ASIP: variants seen among roughly 807,000 people sequenced by gnomAD.
ASIP encodes agouti signaling protein.
Under a neutral mutation model 10.3 loss-of-function variants are expected in ASIP, and 11 were observed. The ratio of observed to expected loss-of-function variants is 1.07; its 90% CI spans 0.68 to 1.78. The LOEUF (loss-of-function observed/expected upper bound fraction) is 1.78. Ranked by LOEUF, ASIP falls within the 40% of genes most tolerant of loss-of-function variation. The probability of loss-of-function intolerance (pLI) is 0.00; values close to 1 mark genes in which losing one functional copy is unlikely to be tolerated. For missense variants in ASIP, 180 were observed against 169.2 expected (o/e 1.06, Z -0.35); for synonymous variants, 70 against 70.8 (o/e 0.99, Z 0.06).
intron 1 of ASIP, chr20:34,246,485 C>G: frequency 7.2e-7 from 1 of 1,387,616 alleles, no homozygotes; most frequent in South Asian, 1.2e-5. Flanking sequence ...TAACTTGGCA[C>G]TGTTCCTTGG....
intron 1 of ASIP, among the ~76,000 whole-genome samples, chr20:34,257,681 A>G (rs567038929): frequency 6.6e-6 from 1 of 152,338 alleles, no homozygotes; most frequent in East Asian, 1.9e-4. Context: ...TATGATAACT[A>G]TTCATGATGT....
intron 1 of ASIP, among the ~76,000 whole-genome samples, chr20:34,227,972 A>G (rs1417090759): frequency 6.6e-6 from 1 of 152,204 alleles, no homozygotes; most frequent in African/African-American, 2.4e-5. Flanking sequence ...TGGTCAAGTG[A>G]TTTCCCACAA....
chr20:34,192,287 T>A (rs902812986), upstream of ASIP, among the ~76,000 whole-genome samples: 1 of 152,152 alleles, frequency 6.6e-6, no homozygotes, highest in Non-Finnish European at 1.5e-5. Context: ...CACCTTGGCC[T>A]CCCAAAGTGC....
At chr20:34,233,968 A>G (rs144041392) in intron 1 of ASIP, among the ~76,000 whole-genome samples, 1 of 152,350 alleles carries the variant, frequency 6.6e-6, no homozygotes, top group African/African-American at 2.4e-5. Context: ...TCACCATGAG[A>G]CAAATAGGCT....
chr20:34,190,001 G>C (rs1397104202), upstream of ASIP, among the ~76,000 whole-genome samples: 1 of 152,218 alleles, frequency 6.6e-6, no homozygotes, highest in African/African-American at 2.4e-5. Context: ...TCCCGCTGCA[G>C]AGCTTTTGTC....
intron 1 of ASIP, among the ~76,000 whole-genome samples, chr20:34,251,209 A>G (rs1279428389): frequency 6.6e-6 from 1 of 152,000 alleles, no homozygotes; most frequent in Non-Finnish European, 1.5e-5. Context: ...ACACTTATGC[A>G]TTTGTAAATT....
chr20:34,219,223 GA>G (rs2035029512), intron 1 of ASIP, among the ~76,000 whole-genome samples: 2 of 152,324 alleles, frequency 1.3e-5, no homozygotes, highest in South Asian at 4.1e-4. Flanking sequence ...TATATGGAAA[GA>G]GGTGATCCAA....
At chr20:34,192,084 C>G (rs1488642576), upstream of ASIP, among the ~76,000 whole-genome samples, 1 of 151,334 alleles carries the variant, frequency 6.6e-6, no homozygotes, top group Non-Finnish European at 1.5e-5. Flanking sequence ...TCTTGTTGCC[C>G]ATGGTGCAAT....
chr20:34,219,306 T>G (rs1386959635), intron 1 of ASIP, among the ~76,000 whole-genome samples: 1 of 152,206 alleles, frequency 6.6e-6, no homozygotes, highest in Non-Finnish European at 1.5e-5. Flanking sequence ...ATGTGCCAAG[T>G]GTGGTGCTTA....
intron 1 of ASIP, among the ~76,000 whole-genome samples, chr20:34,258,441 A>G (rs2122652164): frequency 6.6e-6 from 1 of 150,656 alleles, no homozygotes. Flanking sequence ...AGGGCAAATA[A>G]GTACTGTAGT....
intron 1 of ASIP, among the ~76,000 whole-genome samples, chr20:34,249,538 A>G (rs2035439406): frequency 6.6e-6 from 1 of 152,224 alleles, no homozygotes. Context: ...CTTCATGAGC[A>G]TGCAGCTTGT....
intron 1 of ASIP, among the ~76,000 whole-genome samples, chr20:34,223,482 G>T (rs1470950631): frequency 1.4e-5 from 2 of 139,566 alleles, no homozygotes; most frequent in African/African-American, 5.5e-5. Context: ...CAGCCACCCC[G>T]TCCGGGAGGG....
intron 1 of ASIP, among the ~76,000 whole-genome samples, chr20:34,205,158 G>A (rs976242092): frequency 2.0e-5 from 3 of 152,208 alleles, no homozygotes; most frequent in East Asian, 3.8e-4. Context: ...TGGTGTGTCC[G>A]GAGTTTGTTC....
intron 3 of ASIP, among the ~76,000 whole-genome samples, chr20:34,266,214 T>C (rs934547836): frequency 6.7e-6 from 1 of 150,220 alleles, no homozygotes; most frequent in Non-Finnish European, 1.5e-5. Flanking sequence ...TAGCCGGAGG[T>C]GGTGGCGGGC....
intron 1 of ASIP, among the ~76,000 whole-genome samples, chr20:34,208,882 G>T (rs2034954842): frequency 6.6e-6 from 1 of 152,190 alleles, no homozygotes; most frequent in African/African-American, 2.4e-5. Flanking sequence ...TATCGTAAAT[G>T]AGACTGCTTT....
intron 2 of ASIP, among the ~76,000 whole-genome samples, chr20:34,261,057 A>T (rs1021394140): frequency 2.6e-5 from 4 of 152,230 alleles, no homozygotes; most frequent in Non-Finnish European, 5.9e-5. Context: ...TTCACAGTTG[A>T]GGAACTTGAG....
In ASIP at chr20:34,235,892, A is replaced by AG. The variant is rs1568756472; in HGVS notation, c.-10-24471dup. ...AAGGAAGGAAGGAAGGAAGGAAGGA[A>AG]GGAAGGAAAGGAAGGAAGGAAGGAA... On this transcript the variant is annotated intron_variant, in intron 1 of 3. Coordinates refer to the ASIP transcript ENST00000568305. Among the ~76,000 whole-genome samples, 34 of 107,118 alleles carry AG rather than the reference A, an allele frequency of 3.2e-4. 2 individuals carry two copies. The highest frequency in any genetic ancestry group is 2.4e-3 in the African/African-American group (32 of 13,204). 70.3% of individuals were successfully genotyped at this position (107,118 alleles called of 152,430 possible).
intron 1 of ASIP, among the ~76,000 whole-genome samples, chr20:34,201,762 G>A (rs1470788994): frequency 2.6e-5 from 4 of 152,140 alleles, no homozygotes; most frequent in African/African-American, 9.7e-5. Flanking sequence ...TTCACTAACT[G>A]GAATTTTGTA....
intron 1 of ASIP, among the ~76,000 whole-genome samples, chr20:34,219,267 G>C (rs774782422): frequency 6.6e-6 from 1 of 152,228 alleles, no homozygotes; most frequent in Non-Finnish European, 1.5e-5. Flanking sequence ...GAATCAAGGA[G>C]TAAAAACTAA....
Sources: allele counts gnomAD v4.1 joint callset (sites outside exome capture counted in the v4.1 genomes callset), GRCh38; gene constraint gnomAD v4.1.1; transcripts MANE v1.5; gene names NCBI Gene and HGNC (gene_info 2026-07-23, HGNC 2026-07-21).